Variants in SH3GL2 observed in about 807,000 individuals in gnomAD.
SH3GL2 encodes endophilin-A1.
In SH3GL2, 24 loss-of-function variants were observed where a neutral mutation model predicts 46.0. That is an observed-to-expected ratio of 0.52 (90% CI 0.38 to 0.73). The LOEUF (loss-of-function observed/expected upper bound fraction) is 0.73. Among genes scored for constraint, SH3GL2 ranks in the 30% least tolerant of loss-of-function variants. The pLI, the probability that SH3GL2 is intolerant of heterozygous loss-of-function variation, is 0.00. For missense variants in SH3GL2, 413 were observed against 424.2 expected, an observed-to-expected ratio of 0.97 and a Z score of 0.23; for synonymous variants, 196 against 147.1, an observed-to-expected ratio of 1.33 and a Z score of -2.40.
chr9:17,766,113 C>A (rs1056109159), intron 3 of SH3GL2, among the ~76,000 whole-genome samples: 1 of 152,170 alleles, frequency 6.6e-6, no homozygotes, highest in African/African-American at 2.4e-5. Flanking sequence ...TGGAACCTCA[C>A]AGTCTTAGTG....
intron 1 of SH3GL2, among the ~76,000 whole-genome samples, chr9:17,592,981 TA>T (rs1453164130): frequency 6.6e-6 from 1 of 152,150 alleles, no homozygotes; most frequent in Non-Finnish European, 1.5e-5. Flanking sequence ...GAAGCCTCCA[TA>T]AAAACCCAAC....
chr9:17,709,995 T>C (rs1489153443), intron 1 of SH3GL2, among the ~76,000 whole-genome samples: 1 of 151,874 alleles, frequency 6.6e-6, no homozygotes, highest in Non-Finnish European at 1.5e-5. Context: ...CTTTGAATCC[T>C]TAGAGGAAGG....
intron 1 of SH3GL2, among the ~76,000 whole-genome samples, chr9:17,641,360 G>GT (rs1219808070): frequency 5.3e-5 from 8 of 152,174 alleles, no homozygotes; most frequent in Admixed American, 1.3e-4. Flanking sequence ...TCAAATTATA[G>GT]TTTTTTTAAA....
chr9:17,678,763 A>C (rs1563808682), intron 1 of SH3GL2, among the ~76,000 whole-genome samples: 1 of 152,168 alleles, frequency 6.6e-6, no homozygotes, highest in Non-Finnish European at 1.5e-5. Flanking sequence ...TTATGGTTTT[A>C]GGTCTAACAT....
At chr9:17,771,319 C>G (rs1588320542) in intron 3 of SH3GL2, among the ~76,000 whole-genome samples, 1 of 152,158 alleles carries the variant, frequency 6.6e-6, no homozygotes, top group Admixed American at 6.5e-5. Context: ...TGTTTTGAAA[C>G]ATGATAGCAA....
chr9:17,719,778 G>C (rs1821847067), intron 1 of SH3GL2, among the ~76,000 whole-genome samples: 1 of 148,962 alleles, frequency 6.7e-6, no homozygotes, highest in African/African-American at 2.5e-5. Flanking sequence ...GGGTAACGAA[G>C]TGAGACCCTG....
At chr9:17,592,148 C>T (rs539095918) in intron 1 of SH3GL2, among the ~76,000 whole-genome samples, 19 of 152,256 alleles carry the variant, frequency 1.2e-4, no homozygotes, top group Middle Eastern at 6.8e-3. Flanking sequence ...GGTGTAAGCC[C>T]CAACCCCAAA....
intron 2 of SH3GL2, 76 bp downstream of exon 2, chr9:17,747,210 G>A (rs890858489): frequency 4.6e-6 from 4 of 875,308 alleles, no homozygotes; most frequent in Non-Finnish European, 7.4e-6. Context: ...GAGAAAACGG[G>A]AGAGGGCAAC....
chr9:17,663,001 C>T (rs1298070794), intron 1 of SH3GL2, among the ~76,000 whole-genome samples: 3 of 152,212 alleles, frequency 2.0e-5, no homozygotes, highest in African/African-American at 7.2e-5. Flanking sequence ...CCGTGCCCAG[C>T]TGGCTAAGTC....
rs373784977 is a variant in SH3GL2 at position 17,760,477 on chromosome 9, A to G, written c.115-960A>G. On this transcript the variant is annotated intron_variant, in intron 2 of 8. Transcript: ENST00000380607. ...GTATATACTGATATTATACTGGTAT[A>G]TACTGATATTATATACTGGTATATA... Among the ~76,000 whole-genome samples, 148 of 152,112 alleles carry G rather than the reference A, an allele frequency of 9.7e-4. 1 individual carries two copies. In the South Asian group the frequency reaches 0.029, roughly 30 times the overall value.
At chr9:17,672,300 A>G (rs1820494823) in intron 1 of SH3GL2, among the ~76,000 whole-genome samples, 1 of 152,160 alleles carries the variant, frequency 6.6e-6, no homozygotes, top group Non-Finnish European at 1.5e-5. Flanking sequence ...ACACAATATC[A>G]TATCTGTGTA....
intron 3 of SH3GL2, among the ~76,000 whole-genome samples, chr9:17,763,069 A>C (rs1016836642): frequency 1.3e-5 from 2 of 152,190 alleles, no homozygotes; most frequent in African/African-American, 4.8e-5. Context: ...GCACTGATGC[A>C]TTTTCAGTGC....
At chr9:17,621,136 T>C (rs1819130070) in intron 1 of SH3GL2, among the ~76,000 whole-genome samples, 1 of 152,216 alleles carries the variant, frequency 6.6e-6, no homozygotes. Flanking sequence ...TGTAGACAGC[T>C]TTCTAATGTA....
intron 1 of SH3GL2, among the ~76,000 whole-genome samples, chr9:17,636,341 C>T (rs1041877269): frequency 5.3e-5 from 8 of 152,142 alleles, no homozygotes; most frequent in African/African-American, 1.9e-4. Flanking sequence ...CCTGACCTGT[C>T]TGGAATTTCC....
At chr9:17,612,740 C>G (rs1291721772) in intron 1 of SH3GL2, among the ~76,000 whole-genome samples, 4 of 152,152 alleles carry the variant, frequency 2.6e-5, no homozygotes, top group African/African-American at 4.8e-5. Context: ...TAAGTGTGTT[C>G]ACAGCCTTGT....
chr9:17,662,452 G>GT (rs1196299297), intron 1 of SH3GL2, among the ~76,000 whole-genome samples: 23 of 152,070 alleles, frequency 1.5e-4, no homozygotes, highest in African/African-American at 5.6e-4. Flanking sequence ...GCTTTCCGGG[G>GT]TTTGTAGAAA....
At chr9:17,653,670 C>A (rs1231467773) in intron 1 of SH3GL2, among the ~76,000 whole-genome samples, 2 of 152,136 alleles carry the variant, frequency 1.3e-5, no homozygotes, top group Non-Finnish European at 2.9e-5. Context: ...GGTGATTAGG[C>A]CATGAGAGCT....
intron 1 of SH3GL2, among the ~76,000 whole-genome samples, chr9:17,641,996 G>A (rs1275399530): frequency 6.6e-6 from 1 of 152,102 alleles, no homozygotes. Flanking sequence ...TCTAGTTCTA[G>A]ATCCTTGAGG....
intron 1 of SH3GL2, among the ~76,000 whole-genome samples, chr9:17,726,041 A>C (rs932259561): frequency 3.9e-5 from 6 of 152,128 alleles, no homozygotes; most frequent in Admixed American, 3.9e-4. Context: ...ACCAAGATTT[A>C]GTATATTTTC....
Sources: allele counts gnomAD v4.1 joint callset (sites outside exome capture counted in the v4.1 genomes callset), GRCh38; gene constraint gnomAD v4.1.1; transcripts MANE v1.5; gene names NCBI Gene and HGNC (gene_info 2026-07-23, HGNC 2026-07-21).